Variants in PARVG observed in about 807,000 individuals in gnomAD.
The protein encoded by PARVG is gamma-parvin.
PARVG carries 36 observed loss-of-function variants against 44.4 expected under a neutral mutation model. The ratio of observed to expected loss-of-function variants is 0.81; its 90% CI spans 0.62 to 1.07. The LOEUF is 1.07. Ranked by LOEUF, PARVG falls within the 50% of genes least tolerant of loss-of-function variation. The probability of loss-of-function intolerance (pLI) is 0.00; values close to 1 mark genes in which losing one functional copy is unlikely to be tolerated. For missense variants in PARVG, 407 were observed against 407.4 expected, an observed-to-expected ratio of 1.00 and a Z score of 0.01; for synonymous variants, 170 against 174.1, an observed-to-expected ratio of 0.98 and a Z score of 0.19.
At chr22:44,200,256 G>T (rs968117124) in intron 12 of PARVG, among the ~76,000 whole-genome samples, 4 of 152,182 alleles carry the variant, frequency 2.6e-5, no homozygotes, top group Non-Finnish European at 2.9e-5. Flanking sequence ...AATAAGGAAA[G>T]AGAGGTCCAC....
chr22:44,180,733 C>T (rs1421660365), upstream of PARVG, among the ~76,000 whole-genome samples: 1 of 152,176 alleles, frequency 6.6e-6, no homozygotes, highest in Non-Finnish European at 1.5e-5. Flanking sequence ...AGCAACAATA[C>T]CAGTACTAAG....
chr22:44,182,154 A>G lies in PARVG; in HGVS notation c.-13+237A>G, dbSNP rs944225144. On this transcript the variant is annotated intron_variant, in intron 2 of 13. Transcript: ENST00000444313. This position sits in a 1 kb window ranked among gnomAD's most constrained non-coding sequence, Gnocchi z 4.6. The stretch of plus-strand genomic sequence containing the variant: ...AGTTGCCGCCTCTGAACTTCAGCCA[A>G]CCCCTCCGTCTCCAGGTGAAGAAAC... 2.0e-4 allele frequency among the ~76,000 whole-genome samples: 31 copies of G among 151,710 alleles called. No individual in the cohort carries two copies. The highest frequency in any genetic ancestry group is 6.5e-4 in the African/African-American group (27 of 41,242).
chr22:44,206,175 A>G, intron 13 of PARVG, 142 bp from the exon 14 acceptor site: 2 of 669,982 alleles, frequency 3.0e-6, no homozygotes, highest in Non-Finnish European at 5.2e-6. Flanking sequence ...CCAGGCCTGG[A>G]GTGACCAGCT....
intron 5 of PARVG, 70 bp downstream of exon 5, chr22:44,187,948 CA>C: frequency 6.8e-7 from 1 of 1,465,150 alleles, no homozygotes; most frequent in Admixed American, 1.7e-5. Flanking sequence ...CCAGGGCCCA[CA>C]GGTAGGCTCT....
chr22:44,178,284 T>C (rs2147213220), upstream of PARVG, among the ~76,000 whole-genome samples: 1 of 152,286 alleles, frequency 6.6e-6, no homozygotes, highest in South Asian at 2.1e-4. Flanking sequence ...AGATCTGTGA[T>C]CCCCAAGAAA....
Position 44,205,742 on chromosome 22 carries a change from G to A in PARVG, c.814-15G>A. ...GCTGCTTGTGCCCACATCTGATAGGGCCTTGTCATCATAGCTGCACAACGT... is the reference window on the plus strand; with the variant it reads ...GCTGCTTGTGCCCACATCTGATAGGACCTTGTCATCATAGCTGCACAACGT... On this transcript the variant is annotated splice_polypyrimidine_tract_variant and intron_variant, in intron 12 of 13. Coordinates refer to ENST00000444313, the MANE Select transcript of PARVG (RefSeq NM_022141.7). 1.2e-6 allele frequency: 2 copies of A among 1,613,478 alleles called. No homozygotes were observed. The highest frequency in any genetic ancestry group is 1.7e-6 in the Non-Finnish European group (2 of 1,179,922).
rs993024113 is a variant in PARVG, at chr22:44,182,692, C to G, written c.-12-626C>G. ...GCCAGCCGAGCCAGCGAAGCCTTCACAGGAGAGGAAGTGGGCCAGGGGAAC... is the reference window on the plus strand; with the variant it reads ...GCCAGCCGAGCCAGCGAAGCCTTCAGAGGAGAGGAAGTGGGCCAGGGGAAC... On this transcript the variant is annotated intron_variant, in intron 2 of 13. Transcript: ENST00000444313. The surrounding 1 kb of genome is among the most constrained non-coding windows in gnomAD (Gnocchi z 4.6). Among the ~76,000 whole-genome samples the G allele has an allele frequency of 1.3e-5, 2 of 152,210 alleles. No individual in the cohort carries two copies. Among genetic ancestry groups the G allele is most frequent in the Admixed American group, 6.5e-5 (1 of 15,276 alleles).
exon 1 of PARVG, chr22:44,173,001 G>C (rs1270091278): frequency 1.6e-6 from 2 of 1,289,716 alleles, no homozygotes; most frequent in Non-Finnish European, 2.0e-6. Flanking sequence ...TAGCAGTCAT[G>C]GATGGTGCCA....
At chr22:44,185,429 C>T (rs1165459804) in intron 3 of PARVG, 1 of 175,722 alleles carries the variant, frequency 5.7e-6, no homozygotes, top group African/African-American at 2.4e-5. Context: ...ATGGAGGGGC[C>T]TGGCAGACCT....
chr22:44,197,572 G>A (rs957413072), intron 11 of PARVG, among the ~76,000 whole-genome samples: 16 of 152,258 alleles, frequency 1.1e-4, no homozygotes, highest in African/African-American at 2.6e-4. Flanking sequence ...GAAGTATCAC[G>A]CTCTGTAGCC....
upstream of PARVG, among the ~76,000 whole-genome samples, chr22:44,176,918 C>T (rs1036769345): frequency 6.6e-6 from 1 of 152,102 alleles, no homozygotes; most frequent in Non-Finnish European, 1.5e-5. Flanking sequence ...GTGAACTGTC[C>T]TTTATAAAAC....
chr22:44,206,410 A>G lies in PARVG; in HGVS notation c.980A>G (p.His327Arg), dbSNP rs2147243732. 2 of 1,613,908 alleles carry G rather than the reference A, an allele frequency of 1.2e-6. No homozygotes were observed. The highest frequency in any genetic ancestry group is 1.7e-6 in the Non-Finnish European group (2 of 1,179,962). The change falls in exon 14 of 14, where the codon CAT (histidine) becomes CGT (arginine). Residue 327 changes from histidine (H) to arginine (R), a missense_variant. By Grantham distance (29) the His-to-Arg change is conservative (BLOSUM62 0). Transcript: ENST00000444313. ...TQKAHRDRTPHGAPN is the reference protein window; with the variant it reads ...TQKAHRDRTPRGAPN ...AAGGCACACAGGGACAGGACGCCCCATGGAGCCCCGAATTGACCCTCACTG... is the reference window on the plus strand; with the variant it reads ...AAGGCACACAGGGACAGGACGCCCCGTGGAGCCCCGAATTGACCCTCACTG...
At chr22:44,183,566 T>C in intron 3 of PARVG, 158 bp downstream of exon 3, 2 of 618,418 alleles carry the variant, frequency 3.2e-6, no homozygotes, top group Non-Finnish European at 5.3e-6. Flanking sequence ...TTGACCTAAC[T>C]CCTCCTCCTG....
chr22:44,181,653 G>T (rs773974256), intron 1 of PARVG, 89 bp from the exon 2 acceptor site: 12 of 948,484 alleles, frequency 1.3e-5, no homozygotes, highest in Non-Finnish European at 1.5e-5. Flanking sequence ...CAGGCGGCAC[G>T]GCGGGCGCTG....
intron 1 of PARVG, 33 bp downstream of exon 1, chr22:44,181,218 G>A (rs887242882): frequency 7.1e-6 from 4 of 562,260 alleles, no homozygotes; most frequent in African/African-American, 4.1e-5. Flanking sequence ...GACAGACCAC[G>A]CACAGCCTGG....
rs759025186 is a variant in PARVG, at chr22:44,206,391, C to T, written c.961C>T (p.His321Tyr). 2.5e-6 allele frequency: 4 copies of T among 1,613,954 alleles called. No homozygotes were observed. The highest frequency in any genetic ancestry group is 1.7e-5 in the Admixed American group (1 of 60,008). ...GTTCTGCAAGCACACGCAGAAGGCA[C>T]ACAGGGACAGGACGCCCCATGGAGC... Reference protein sequence around the residue: ...GLFCKHTQKAHRDRTPHGAPN With the variant: ...GLFCKHTQKAYRDRTPHGAPN Residue 321 changes from histidine (H) to tyrosine (Y), a missense_variant, in exon 14 of 14, where the codon CAC (histidine) becomes TAC (tyrosine). Transcript: ENST00000444313.
Position 44,182,057 on chromosome 22 carries a change from G to T in PARVG, c.-13+140G>T. On this transcript the variant is annotated intron_variant, in intron 2 of 13. Coordinates refer to ENST00000444313, the MANE Select transcript of PARVG (RefSeq NM_022141.7). The surrounding 1 kb of genome is among the most constrained non-coding windows in gnomAD (Gnocchi z 4.6). ...AAGGGAGTCGGTAAAGTGGGACCTTGAGTCCCCACGGCCCCTCCGGCTGCC... is the reference window on the plus strand; with the variant it reads ...AAGGGAGTCGGTAAAGTGGGACCTTTAGTCCCCACGGCCCCTCCGGCTGCC... 1 of 644,714 alleles carries T rather than the reference G, an allele frequency of 1.6e-6. No individual in the cohort carries two copies. Among genetic ancestry groups the T allele is most frequent in the Non-Finnish European group, 1.9e-6 (1 of 518,534 alleles). The allele number at this position is 644,714 out of a possible 1,614,324, so 39.9% of individuals were successfully genotyped here.
intron 1 of PARVG, among the ~76,000 whole-genome samples, chr22:44,174,078 C>T (rs1278954736): frequency 5.3e-5 from 8 of 152,218 alleles, no homozygotes; most frequent in Non-Finnish European, 8.8e-5. Flanking sequence ...CCGATTGGTT[C>T]TGTTCAGCAG....
At chr22:44,178,522 G>A (rs1255450205), upstream of PARVG, among the ~76,000 whole-genome samples, 3 of 152,128 alleles carry the variant, frequency 2.0e-5, no homozygotes, top group Non-Finnish European at 2.9e-5. Context: ...AATTCAGCAC[G>A]CGACGACATA....
Sources: allele counts gnomAD v4.1 joint callset (sites outside exome capture counted in the v4.1 genomes callset), GRCh38; gene constraint gnomAD v4.1.1; non-coding constraint Gnocchi (gnomAD v3.1); transcripts MANE v1.5; gene names NCBI Gene and HGNC (gene_info 2026-07-23, HGNC 2026-07-21).